Variants in RFC2 observed in about 807,000 individuals in gnomAD.
The protein encoded by RFC2 is replication factor C subunit 2, also known as A1 40 kDa subunit.
Under a neutral mutation model 44.8 loss-of-function variants are expected in RFC2, and 34 were observed. The ratio of observed to expected loss-of-function variants is 0.76; its 90% CI spans 0.58 to 1.01. The LOEUF is 1.01. Ranked by LOEUF, RFC2 falls within the 50% of genes least tolerant of loss-of-function variation. The pLI is 0.00. For synonymous variants in RFC2, 177 were observed against 168.9 expected, an observed-to-expected ratio of 1.05 and a Z score of -0.37; for missense variants, 400 against 453.6, an observed-to-expected ratio of 0.88 and a Z score of 1.07.
chr7:74,249,281 C>G, intron 3 of RFC2, 163 bp from the exon 4 acceptor site: 1 of 1,346,062 alleles, frequency 7.4e-7, no homozygotes, highest in Non-Finnish European at 1.0e-6. Context: ...TGGCTCACAC[C>G]TATAATCCCA....
intron 7 of RFC2, among the ~76,000 whole-genome samples, chr7:74,239,265 T>C (rs1213008750): frequency 6.7e-6 from 1 of 148,748 alleles, no homozygotes; most frequent in Non-Finnish European, 1.5e-5. Flanking sequence ...AATCTCCGTA[T>C]CCCAGGTTCA....
intron 10 of RFC2, among the ~76,000 whole-genome samples, chr7:74,235,051 TG>T (rs1187046877): frequency 1.1e-4 from 17 of 152,260 alleles, no homozygotes; most frequent in African/African-American, 3.9e-4. Context: ...CTTTTTTTTT[TG>T]TTTTGAGACA....
At chr7:74,242,825 A>G (rs1803411597) in intron 6 of RFC2, among the ~76,000 whole-genome samples, 1 of 151,602 alleles carries the variant, frequency 6.6e-6, no homozygotes, top group South Asian at 2.1e-4. Context: ...CAGGAGGCTG[A>G]AGCACAAGAA....
rs1448408091 is a variant in RFC2, at chr7:74,243,313, CA to C, written c.435-68del. 20 of 1,092,488 alleles carry C rather than the reference CA, an allele frequency of 1.8e-5. 1 individual carries two copies. The highest frequency in any genetic ancestry group is 1.2e-4 in the African/African-American group (8 of 64,622). 67.7% of individuals were successfully genotyped at this position (1,092,488 alleles called of 1,614,324 possible). ...CATGTGACACAAATCGTTCCCTATA[CA>C]AAAACCCAGGACATAAGACACATCC... is the stretch of plus-strand genomic sequence containing the variant. On this transcript the variant is annotated intron_variant, in intron 5 of 10. Transcript: ENST00000055077.
At chr7:74,234,558 G>A (rs550989610) in intron 10 of RFC2, among the ~76,000 whole-genome samples, 53 of 152,122 alleles carry the variant, frequency 3.5e-4, no homozygotes, top group African/African-American at 1.3e-3. Flanking sequence ...AATCAGCCAC[G>A]TTGATCTAGT....
In RFC2 at chr7:74,237,447, C is replaced by A; in HGVS notation, c.760-5G>T. 1.9e-6 allele frequency: 3 copies of A among 1,571,084 alleles called. 1 individual carries two copies. The highest frequency in any genetic ancestry group is 8.7e-7 in the Non-Finnish European group (1 of 1,153,424). On this transcript the variant is annotated splice_polypyrimidine_tract_variant and splice_region_variant and intron_variant, in intron 8 of 10. Transcript: ENST00000055077. ...TGGGTGGGGCTCGTCACAGACCTGGCCAAAGGGAAAGGAAAGGCGGTCAGG... is the reference window on the plus strand; with the variant it reads ...TGGGTGGGGCTCGTCACAGACCTGGACAAAGGGAAAGGAAAGGCGGTCAGG...
chr7:74,250,286 A>G (rs1204937091), intron 2 of RFC2, among the ~76,000 whole-genome samples: 1 of 151,824 alleles, frequency 6.6e-6, no homozygotes, highest in African/African-American at 2.4e-5. Flanking sequence ...TGGAACTCTC[A>G]CCTCAAGTTC....
chr7:74,246,440 G>GT (rs1423849793), intron 5 of RFC2, among the ~76,000 whole-genome samples: 3 of 150,544 alleles, frequency 2.0e-5, no homozygotes, highest in African/African-American at 7.3e-5. Context: ...AATTATTAAC[G>GT]TAAGAGATGC....
intron 8 of RFC2, among the ~76,000 whole-genome samples, 191 bp from the exon 9 acceptor site, chr7:74,237,633 C>G (rs1024552717): frequency 6.6e-6 from 1 of 152,140 alleles, no homozygotes; most frequent in Non-Finnish European, 1.5e-5. Flanking sequence ...CTTCCGGCAC[C>G]AGGAAGATAA....
At chr7:74,239,817 G>T in intron 7 of RFC2, 121 bp downstream of exon 7, 2 of 942,376 alleles carry the variant, frequency 2.1e-6, no homozygotes, top group Non-Finnish European at 3.1e-6. Flanking sequence ...CCAGGAGGGT[G>T]CCAGGTCTCT....
At chr7:74,240,476 T>C (rs1554719102) in intron 6 of RFC2, among the ~76,000 whole-genome samples, 1 of 133,800 alleles carries the variant, frequency 7.5e-6, no homozygotes, top group East Asian at 2.1e-4. Context: ...CACTCCAGCC[T>C]GGACAACAGA....
At chr7:74,248,528 T>C (rs1392766803) in intron 4 of RFC2, among the ~76,000 whole-genome samples, 4 of 149,826 alleles carry the variant, frequency 2.7e-5, no homozygotes, top group African/African-American at 9.9e-5. Context: ...GGAGATGGAG[T>C]TTTGCTCGTC....
intron 6 of RFC2, 66 bp downstream of exon 6, chr7:74,243,080 C>A: frequency 9.7e-7 from 1 of 1,036,118 alleles, no homozygotes; most frequent in South Asian, 1.3e-5. Context: ...GAGACCACAT[C>A]TATAAAAAAG....
intron 4 of RFC2, 87 bp downstream of exon 4, chr7:74,248,914 AAGGCTTCGCAT>A: frequency 1.2e-6 from 1 of 814,616 alleles, no homozygotes. Context: ...CATAGCTGGC[AAGGCTTCGCAT>A]ACAACCCAAT....
At chr7:74,247,508 C>T (rs928952790) in intron 4 of RFC2, among the ~76,000 whole-genome samples, 2 of 152,184 alleles carry the variant, frequency 1.3e-5, no homozygotes, top group African/African-American at 4.8e-5. Flanking sequence ...GGCGTGCCCG[C>T]GCACGCCTGT....
At chr7:74,250,956 T>C (rs115308312) in intron 2 of RFC2, among the ~76,000 whole-genome samples, 4,798 of 152,182 alleles carry the variant, frequency 0.032, 247 homozygotes, top group African/African-American at 0.11. Context: ...GCCTGCCTAA[T>C]TTTTATTTTT....
At chr7:74,251,834 A>G (rs1554721111) in intron 2 of RFC2, among the ~76,000 whole-genome samples, 1 of 138,624 alleles carries the variant, frequency 7.2e-6, no homozygotes, top group African/African-American at 2.7e-5. Context: ...GCGGTGGTTC[A>G]CGCCTGTAAT....
Position 74,249,743 on chromosome 7 carries a change from A to T in RFC2, c.221T>A (p.Ile74Asn). The change falls in exon 3 of 11, where the codon ATT becomes AAT. Residue 74 changes from isoleucine (I) to asparagine (N), a missense_variant. Physicochemically the swap from Ile to Asn is moderately radical, Grantham distance 149. Transcript: ENST00000055077. Reference protein sequence around the residue: ...AREGNVPNIIIAGPPGTGKTT... With the variant: ...AREGNVPNIINAGPPGTGKTT... ...GGCCCAGGGCTGGGTACTCACCGCA[A>T]TGATGATGTTGGGCACATTTCCTTC... 6.2e-7 allele frequency: 1 copy of T among 1,613,618 alleles called. No homozygotes were observed. The highest frequency in any genetic ancestry group is 2.2e-5 in the East Asian group (1 of 44,876).
Position 74,238,798 on chromosome 7 carries a change from C to T in RFC2, c.759+125G>A. 2.8e-6 allele frequency: 2 copies of T among 725,234 alleles called. No individual in the cohort carries two copies. Among genetic ancestry groups the T allele is most frequent in the East Asian group, 5.2e-5 (2 of 38,172 alleles). The allele number at this position is 725,234 out of a possible 1,614,324, so 44.9% of individuals were successfully genotyped here. On this transcript the variant is annotated intron_variant, in intron 8 of 10. Transcript: ENST00000055077. The surrounding 1 kb of genome is among the most constrained non-coding windows in gnomAD (Gnocchi z 4.0). ...AGAGGACAGACGGGAGCAGGGTGGG[C>T]TCCCTGGCACCCACAAGAGCAGCTA... is the stretch of plus-strand genomic sequence containing the variant.
Sources: allele counts gnomAD v4.1 joint callset (sites outside exome capture counted in the v4.1 genomes callset), GRCh38; gene constraint gnomAD v4.1.1; non-coding constraint Gnocchi (gnomAD v3.1); transcripts MANE v1.5; gene names NCBI Gene and HGNC (gene_info 2026-07-23, HGNC 2026-07-21).